The following PDGFD variants were observed in gnomAD, a reference collection of about 807,000 sequenced individuals.
PDGFD encodes platelet derived growth factor D, also known as platelet-derived growth factor D.
In PDGFD, 30 loss-of-function variants were observed where a neutral mutation model predicts 44.7. That is an observed-to-expected ratio of 0.67 (90% CI 0.50 to 0.91). The LOEUF (loss-of-function observed/expected upper bound fraction) is 0.91, where lower values mean the gene tolerates loss of function less well. Ranked by LOEUF, PDGFD falls within the 40% of genes least tolerant of loss-of-function variation. PDGFD has a pLI of 0.00. For synonymous variants in PDGFD, 173 were observed against 168.4 expected (o/e 1.03, Z -0.21); for missense variants, 445 against 457.8 (o/e 0.97, Z 0.25).
chr11:104,076,157 G>C (rs570556588), intron 1 of PDGFD, among the ~76,000 whole-genome samples: 1 of 152,122 alleles, frequency 6.6e-6, no homozygotes, highest in African/African-American at 2.4e-5. Context: ...TGTGAAGAAG[G>C]TTCCTTTTTT....
At chr11:104,049,910 TGGA>T (rs912482403) in intron 1 of PDGFD, among the ~76,000 whole-genome samples, 28 of 152,074 alleles carry the variant, frequency 1.8e-4, no homozygotes, top group Admixed American at 2.6e-4. Context: ...CCAATTGGAT[TGGA>T]GGAGGTGGGA....
In PDGFD at chr11:103,907,839, G is replaced by A. The variant is rs1375426259; in HGVS notation, c.*1855C>T. 6.6e-6 allele frequency: 1 copy of A among 152,166 alleles called. No individual in the cohort carries two copies. The highest frequency in any genetic ancestry group is 1.5e-5 in the Non-Finnish European group (1 of 68,030). The allele number at this position is 152,166 out of a possible 1,614,324, so 9.4% of individuals were successfully genotyped here. On this transcript the variant is annotated 3_prime_UTR_variant, in exon 7 of 7. Coordinates refer to ENST00000393158, the MANE Select transcript of PDGFD (RefSeq NM_025208.5). ...GTGTCTGCCTGAGCTATTTCTGATT[G>A]TGTTCTGGGATTTTAGAGAATTGAA... is the stretch of plus-strand genomic sequence containing the variant.
intron 1 of PDGFD, among the ~76,000 whole-genome samples, chr11:104,140,693 C>T (rs974727510): frequency 9.2e-5 from 14 of 152,110 alleles, no homozygotes; most frequent in African/African-American, 3.4e-4. Context: ...CTATATCCCC[C>T]CCTGAACATT....
chr11:104,046,266 A>C (rs1268309078), intron 1 of PDGFD, among the ~76,000 whole-genome samples: 2 of 147,746 alleles, frequency 1.4e-5, no homozygotes, highest in Non-Finnish European at 1.5e-5. Context: ...CAGTTCTTCA[A>C]TTCACTCTTT....
rs1417306418 is a variant in PDGFD, at chr11:103,909,175, T to C, written c.*519A>G. On this transcript the variant is annotated 3_prime_UTR_variant, in exon 7 of 7. Transcript: ENST00000393158. ...TTTTAATAATCAACTAAGATGTATA[T>C]GTAAGAAAGCCTCATCTTTTGATTT... 1.3e-5 allele frequency: 2 copies of C among 153,078 alleles called. No homozygotes were observed. The highest frequency in any genetic ancestry group is 2.4e-5 in the African/African-American group (1 of 41,590). The allele number at this position is 153,078 out of a possible 1,614,324, so 9.5% of individuals were successfully genotyped here.
intron 3 of PDGFD, among the ~76,000 whole-genome samples, chr11:103,979,802 T>C (rs1859239461): frequency 2.6e-5 from 4 of 152,114 alleles, no homozygotes; most frequent in Admixed American, 2.6e-4. Flanking sequence ...CATTCTATTT[T>C]TATATTGAAA....
chr11:103,990,749 T>C (rs1221607279), intron 3 of PDGFD, among the ~76,000 whole-genome samples: 1 of 152,188 alleles, frequency 6.6e-6, no homozygotes, highest in Non-Finnish European at 1.5e-5. Context: ...CTTGGCTATA[T>C]ATATATAGTC....
chr11:103,938,383 C>G (rs1475374041), intron 5 of PDGFD, among the ~76,000 whole-genome samples: 1 of 152,112 alleles, frequency 6.6e-6, no homozygotes, highest in African/African-American at 2.4e-5. Flanking sequence ...TATCCTTCAC[C>G]CACTTTTTGA....
At position 104,068,776 on chromosome 11, in the gene PDGFD, A is replaced by T. The variant is rs560273157; in HGVS notation, c.125-68521T>A. On this transcript the variant is annotated intron_variant, in intron 1 of 6. Coordinates refer to ENST00000393158, the MANE Select transcript of PDGFD (RefSeq NM_025208.5). The stretch of plus-strand genomic sequence containing the variant: ...TATGAATACTCTTTATCAAGATTTT[A>T]ACATTTTATGACATTTATTTTTATT... Among the ~76,000 whole-genome samples, 18 of 151,230 alleles carry T rather than the reference A, an allele frequency of 1.2e-4. 1 individual carries two copies. Among genetic ancestry groups the T allele is most frequent in the Middle Eastern group, 3.4e-3 (1 of 294 alleles).
At chr11:103,988,412 T>C (rs757255066) in intron 3 of PDGFD, among the ~76,000 whole-genome samples, 2 of 151,852 alleles carry the variant, frequency 1.3e-5, no homozygotes, top group Non-Finnish European at 2.9e-5. Flanking sequence ...ACTCAGCACA[T>C]CGGGGAGTCA....
intron 1 of PDGFD, among the ~76,000 whole-genome samples, chr11:104,121,321 T>C (rs1861775472): frequency 6.6e-6 from 1 of 151,958 alleles, no homozygotes; most frequent in Non-Finnish European, 1.5e-5. Flanking sequence ...CGTGAAGTAA[T>C]TTTCACTAAG....
chr11:104,081,716 T>C (rs918505957), intron 1 of PDGFD, among the ~76,000 whole-genome samples: 7 of 152,182 alleles, frequency 4.6e-5, no homozygotes, highest in Non-Finnish European at 1.0e-4. Flanking sequence ...CAGCCATTTT[T>C]CCAGGTCATT....
intron 5 of PDGFD, among the ~76,000 whole-genome samples, chr11:103,937,015 A>G (rs1591084044): frequency 1.3e-5 from 2 of 151,968 alleles, no homozygotes; most frequent in Admixed American, 6.6e-5. Context: ...TTGTAGAGAC[A>G]GGTTCTCACC....
intron 1 of PDGFD, among the ~76,000 whole-genome samples, chr11:104,148,692 C>T (rs1291564758): frequency 6.6e-5 from 10 of 152,206 alleles, no homozygotes; most frequent in East Asian, 3.9e-4. Context: ...TCATTACCTA[C>T]GTATTAAGCC....
chr11:104,036,969 C>T (rs764000612), intron 1 of PDGFD: 12 of 1,614,254 alleles, frequency 7.4e-6, no homozygotes, highest in Non-Finnish European at 1.0e-5. Flanking sequence ...AGATCATCCA[C>T]ATGGAGCGAC....
In PDGFD at chr11:104,083,935, A is replaced by G. The variant is rs1168724856; in HGVS notation, c.124+79869T>C. Among the ~76,000 whole-genome samples the G allele has an allele frequency of 2.0e-5, 3 of 152,320 alleles. No homozygotes were observed. The East Asian group carries it at 5.8e-4, about 29-fold the overall frequency. The stretch of plus-strand genomic sequence containing the variant: ...GTATATTGTCAATACTGAAGGTGCT[A>G]AAAAGTTTAAAATCCCATGTACAGG... On this transcript the variant is annotated intron_variant, in intron 1 of 6. Transcript: ENST00000393158.
intron 1 of PDGFD, among the ~76,000 whole-genome samples, chr11:104,087,221 G>A (rs1246902558): frequency 7.1e-6 from 1 of 140,212 alleles, no homozygotes; most frequent in Non-Finnish European, 1.5e-5. Context: ...TTGAGACAGA[G>A]TCTTGCTCTT....
chr11:104,053,340 T>C (rs1860571263), intron 1 of PDGFD, among the ~76,000 whole-genome samples: 2 of 152,334 alleles, frequency 1.3e-5, no homozygotes, highest in Middle Eastern at 3.4e-3. Context: ...CCATGCAAAA[T>C]AACTGAAATT....
At chr11:103,971,557 ATC>A (rs1186523037) in intron 3 of PDGFD, among the ~76,000 whole-genome samples, 1 of 152,196 alleles carries the variant, frequency 6.6e-6, no homozygotes, top group African/African-American at 2.4e-5. Context: ...GAGAAGAACT[ATC>A]TGAGATTTTC....
Sources: gnomAD v4.1 joint callset for allele counts (sites outside exome capture counted in the v4.1 genomes callset) on GRCh38, gnomAD v4.1.1 for gene constraint, MANE v1.5 for transcripts, NCBI Gene and HGNC (gene_info 2026-07-23, HGNC 2026-07-21) for gene names.